The following ULK4 variants were observed in gnomAD, a reference collection of about 807,000 sequenced individuals.
The protein encoded by ULK4 is inactive serine/threonine-protein kinase ULK4.
Under a neutral mutation model 160.6 loss-of-function variants are expected in ULK4, and 133 were observed. The observed-to-expected ratio is 0.83, with a 90% CI of 0.72 to 0.96. ULK4 has a LOEUF of 0.96. Ranked by LOEUF, ULK4 falls within the 40% of genes least tolerant of loss-of-function variation. The probability of loss-of-function intolerance (pLI) is 0.00; values close to 1 mark genes in which losing one functional copy is unlikely to be tolerated. For missense variants in ULK4, 1,580 were observed against 1,499.5 expected (o/e 1.05, Z -0.89); for synonymous variants, 534 against 539.8 (o/e 0.99, Z 0.15).
Position 41,317,063 on chromosome 3 carries a change from A to ATTTTTTTTTTTTTTTTTT in ULK4, c.3679-67507_3679-67490dup, listed in dbSNP as rs1164870603. On this transcript the variant is annotated intron_variant, in intron 35 of 36. Transcript: ENST00000301831. ...TGATGTAAAATAGGCAATTACATCT[A>ATTTTTTTTTTTTTTTTTT]TTTTTTTTTTTTTTTTTTTTTTTGA... Among the ~76,000 whole-genome samples, 9 of 94,550 alleles carry ATTTTTTTTTTTTTTTTTT rather than the reference A, an allele frequency of 9.5e-5. 1 individual carries two copies. Among genetic ancestry groups the ATTTTTTTTTTTTTTTTTT allele is most frequent in the African/African-American group, 3.4e-4 (8 of 23,370 alleles). 62.0% of individuals were successfully genotyped at this position (94,550 alleles called of 152,430 possible). A position where few individuals can be genotyped will look rare whatever the true frequency, so the allele number is the denominator to read the frequency against.
intron 32 of ULK4, among the ~76,000 whole-genome samples, chr3:41,507,061 A>G (rs1411059242): frequency 1.3e-5 from 2 of 148,756 alleles, no homozygotes; most frequent in Non-Finnish European, 1.5e-5. Flanking sequence ...GGTTAAATGG[A>G]TGTGCCAATT....
At chr3:41,270,737 TG>T (rs1327919647) in intron 35 of ULK4, among the ~76,000 whole-genome samples, 1 of 152,206 alleles carries the variant, frequency 6.6e-6, no homozygotes, top group Non-Finnish European at 1.5e-5. Flanking sequence ...GACGAGATCG[TG>T]GCAGAAAGGT....
intron 34 of ULK4, among the ~76,000 whole-genome samples, chr3:41,399,962 G>A (rs537786453): frequency 1.3e-5 from 2 of 152,208 alleles, no homozygotes; most frequent in Non-Finnish European, 2.9e-5. Context: ...TGAGGTCTTC[G>A]ATGCATTTTG....
intron 32 of ULK4, among the ~76,000 whole-genome samples, chr3:41,551,552 T>C (rs925322448): frequency 2.6e-5 from 4 of 151,736 alleles, no homozygotes; most frequent in African/African-American, 9.7e-5. Context: ...CATATACAAC[T>C]GCCAAGATTG....
intron 35 of ULK4, among the ~76,000 whole-genome samples, chr3:41,388,937 TG>T (rs2081888677): frequency 6.6e-6 from 1 of 152,094 alleles, no homozygotes; most frequent in Admixed American, 6.5e-5. Context: ...TTGATGGGGA[TG>T]GCATTGAATC....
chr3:41,341,134 G>T (rs1187371727), intron 35 of ULK4, among the ~76,000 whole-genome samples: 1 of 152,310 alleles, frequency 6.6e-6, no homozygotes. Flanking sequence ...TCTTGATTAA[G>T]AAGCTACGAT....
chr3:41,770,239 G>T (rs1227561136), intron 21 of ULK4, among the ~76,000 whole-genome samples: 1 of 152,090 alleles, frequency 6.6e-6, no homozygotes, highest in South Asian at 2.1e-4. Context: ...ATTTCATAGT[G>T]ATCTTCCACG....
intron 22 of ULK4, among the ~76,000 whole-genome samples, chr3:41,729,910 C>T (rs2037768811): frequency 6.6e-6 from 1 of 152,188 alleles, no homozygotes; most frequent in Admixed American, 6.5e-5. Flanking sequence ...CCCAACACAA[C>T]CAATGTCATA....
At chr3:41,701,926 T>C (rs1312898017) in intron 27 of ULK4, among the ~76,000 whole-genome samples, 2 of 151,794 alleles carry the variant, frequency 1.3e-5, no homozygotes, top group Non-Finnish European at 2.9e-5. Flanking sequence ...AATATATAAA[T>C]ACCAACCTTA....
At chr3:41,676,531 T>C (rs2035721027) in intron 29 of ULK4, among the ~76,000 whole-genome samples, 1 of 152,132 alleles carries the variant, frequency 6.6e-6, no homozygotes, top group African/African-American at 2.4e-5. Flanking sequence ...TAAAGGTGGC[T>C]TCAATATAAA....
chr3:41,813,713 AG>A (rs775058493), intron 19 of ULK4, among the ~76,000 whole-genome samples: 1 of 152,226 alleles, frequency 6.6e-6, no homozygotes, highest in Non-Finnish European at 1.5e-5. Flanking sequence ...TTTATCCTAC[AG>A]TCTAAATTTC....
intron 35 of ULK4, among the ~76,000 whole-genome samples, chr3:41,313,914 T>C (rs752604950): frequency 2.6e-5 from 4 of 152,192 alleles, no homozygotes; most frequent in Non-Finnish European, 5.9e-5. Flanking sequence ...TCTGCAGGGC[T>C]CTAGAGCTCG....
Position 41,542,528 on chromosome 3 carries a change from G to T in ULK4, c.3226+23497C>A, listed in dbSNP as rs548841137. On this transcript the variant is annotated intron_variant, in intron 32 of 36. Coordinates refer to ENST00000301831, the MANE Select transcript of ULK4 (RefSeq NM_017886.4). ...AGGTTTTGGTATCAGGATGATGCTG[G>T]CCTCATAAAATGAGTTAGGGAGGAT... Among the ~76,000 whole-genome samples, 5 of 152,208 alleles carry T rather than the reference G, an allele frequency of 3.3e-5. No individual in the cohort carries two copies. The East Asian group carries it at 7.7e-4, about 24-fold the overall frequency.
At chr3:41,787,502 A>G (rs899666122) in intron 21 of ULK4, among the ~76,000 whole-genome samples, 3 of 152,134 alleles carry the variant, frequency 2.0e-5, no homozygotes, top group African/African-American at 7.2e-5. Flanking sequence ...ACCCAGCAAC[A>G]TCAATGCAGC....
chr3:41,795,403 C>G (rs1465282373), intron 20 of ULK4, among the ~76,000 whole-genome samples: 1 of 152,116 alleles, frequency 6.6e-6, no homozygotes, highest in African/African-American at 2.4e-5. Context: ...TTTAATCTTA[C>G]TAACCTCTGC....
In ULK4 at chr3:41,681,618, T is replaced by C; in HGVS notation, c.2868A>G (p.Ser956=). 7 of 1,613,848 alleles carry C rather than the reference T, an allele frequency of 4.3e-6. No individual in the cohort carries two copies. Among genetic ancestry groups the C allele is most frequent in the Non-Finnish European group, 5.9e-6 (7 of 1,179,958 alleles). Residue 956 remains serine (S), a synonymous_variant, in exon 29 of 37, where the codon TCA becomes TCG. Transcript: ENST00000301831. ...EWRLFSLRLL[S]ETTSLLVNQE... ...GGTTCACGAGTAGAGATGTGGTTTC[T>C]GAGAGCAACCGCAAGCTAAAGAGTC...
intron 30 of ULK4, among the ~76,000 whole-genome samples, chr3:41,645,343 T>A (rs977099262): frequency 1.3e-5 from 2 of 152,104 alleles, no homozygotes; most frequent in African/African-American, 4.8e-5. Flanking sequence ...ACTATAAATT[T>A]CCCTCTACAC....
chr3:41,634,135 C>T lies in ULK4; in HGVS notation c.3072-18418G>A, dbSNP rs115807534. Among the ~76,000 whole-genome samples, 1,411 of 152,298 alleles carry T rather than the reference C, an allele frequency of 9.3e-3. 21 individuals carry two copies. Among genetic ancestry groups the T allele is most frequent in the African/African-American group, 0.031 (1,301 of 41,562 alleles). On this transcript the variant is annotated intron_variant, in intron 30 of 36. Transcript: ENST00000301831. ...TTTACACTGTGCCTTTCATGGGATC[C>T]TTCTTTCACCTGATGGATGGCCTAA...
chr3:41,569,375 T>G (rs938896913), intron 31 of ULK4, among the ~76,000 whole-genome samples: 1 of 152,078 alleles, frequency 6.6e-6, no homozygotes, highest in African/African-American at 2.4e-5. Flanking sequence ...ATGCCAGCCA[T>G]CAACTCATTA....
Sources: allele counts gnomAD v4.1 joint callset (sites outside exome capture counted in the v4.1 genomes callset), GRCh38; gene constraint gnomAD v4.1.1; transcripts MANE v1.5; gene names NCBI Gene and HGNC (gene_info 2026-07-23, HGNC 2026-07-21).